Variants in ITGAM observed in about 807,000 individuals in gnomAD.
ITGAM encodes the protein integrin alpha-M.
A neutral mutation model predicts 137.5 loss-of-function variants in ITGAM; 79 were observed. That is an observed-to-expected ratio of 0.57 (90% CI 0.48 to 0.69). The LOEUF (loss-of-function observed/expected upper bound fraction) is 0.69, where lower values mean the gene tolerates loss of function less well. Ranked by LOEUF, ITGAM falls within the 30% of genes least tolerant of loss-of-function variation. ITGAM has a pLI of 0.00. For synonymous variants in ITGAM, 583 were observed against 592.3 expected (o/e 0.98, Z 0.23); for missense variants, 1,343 against 1,483.5 (o/e 0.91, Z 1.56).
At chr16:31,307,365 C>T (rs1466388480) in intron 14 of ITGAM, among the ~76,000 whole-genome samples, 1 of 152,118 alleles carries the variant, frequency 6.6e-6, no homozygotes. Flanking sequence ...TCCTTCACAT[C>T]CCTTGTAAGT....
chr16:31,330,651 C>T lies in ITGAM; in HGVS notation c.3276+46C>T, dbSNP rs911035362. 7.3e-6 allele frequency: 10 copies of T among 1,376,654 alleles called. No homozygotes were observed. The African/African-American group carries it at 1.3e-4, about 18-fold the overall frequency. The allele number at this position is 1,376,654 out of a possible 1,614,324, so 85.3% of individuals were successfully genotyped here. A position where few individuals can be genotyped will look rare whatever the true frequency, so the allele number is the denominator to read the frequency against. On this transcript the variant is annotated intron_variant, in intron 28 of 29. Transcript: ENST00000544665. ...GGAACTATTGGAGGGAGAGGGGCTG[C>T]GCTTGTGGAGATTTCTGGGGGAGGA...
chr16:31,312,147 AG>A (rs2080340038), intron 14 of ITGAM, among the ~76,000 whole-genome samples: 3 of 71,812 alleles, frequency 4.2e-5, no homozygotes, highest in Non-Finnish European at 7.7e-5. Context: ...GGGTGGGGGG[AG>A]GGGGGAGGGA....
chr16:31,304,097 C>T (rs183514788), intron 14 of ITGAM, among the ~76,000 whole-genome samples: 61 of 152,134 alleles, frequency 4.0e-4, no homozygotes, highest in African/African-American at 1.4e-3. Flanking sequence ...TAAAAGTGTC[C>T]CCTTTTCATC....
rs1308470070 is a variant in ITGAM, at chr16:31,268,687, G to A, written c.428-2267G>A. 2.6e-5 allele frequency among the ~76,000 whole-genome samples: 4 copies of A among 152,278 alleles called. No homozygotes were observed. The East Asian group carries it at 5.8e-4, about 22-fold the overall frequency. ...CTCCCCATTGCCTACAGATAAAGTC[G>A]AGCTCCTTATTGGAGTAGAAAGGCC... On this transcript the variant is annotated intron_variant, in intron 5 of 29. Coordinates refer to ENST00000544665, the MANE Select transcript of ITGAM (RefSeq NM_000632.4).
At chr16:31,329,601 C>T (rs1335667538) in intron 24 of ITGAM, among the ~76,000 whole-genome samples, 197 bp from the exon 25 acceptor site, 1 of 152,168 alleles carries the variant, frequency 6.6e-6, no homozygotes, top group Non-Finnish European at 1.5e-5. Flanking sequence ...AGGTCTCCCA[C>T]CGAGTAAGTG....
At chr16:31,289,644 A>G (rs2080065626) in intron 12 of ITGAM, among the ~76,000 whole-genome samples, 3 of 152,192 alleles carry the variant, frequency 2.0e-5, no homozygotes, top group Admixed American at 1.3e-4. Context: ...ATTAGGAGAT[A>G]TACCTAATGT....
chr16:31,304,032 ATCTCC>A (rs2080241735), intron 14 of ITGAM, among the ~76,000 whole-genome samples: 1 of 152,134 alleles, frequency 6.6e-6, no homozygotes, highest in Admixed American at 6.5e-5. Context: ...TATTTAAGGA[ATCTCC>A]ATACTGTTTT....
At chr16:31,278,176 G>C in intron 12 of ITGAM, 67 bp downstream of exon 12, 4 of 1,498,458 alleles carry the variant, frequency 2.7e-6, no homozygotes, top group Non-Finnish European at 3.6e-6. Context: ...GATTCCAGGA[G>C]GGGCATTCAG....
chr16:31,328,681 GGTGT>G lies in ITGAM; in HGVS notation c.2792+454_2792+457del, dbSNP rs541427935. ...AGGATATATGTGCATTGTGTGCATGGGTGTGTATTTGTGCATGTGTGTGTATGAG... is the reference window on the plus strand; with the variant it reads ...AGGATATATGTGCATTGTGTGCATGGGTATTTGTGCATGTGTGTGTATGAG... On this transcript the variant is annotated intron_variant, in intron 23 of 29. Coordinates refer to ENST00000544665, the MANE Select transcript of ITGAM (RefSeq NM_000632.4). Among the ~76,000 whole-genome samples, 8 of 151,396 alleles carry G rather than the reference GGTGT, an allele frequency of 5.3e-5. No individual in the cohort carries two copies. In the East Asian group the frequency reaches 6.0e-4, roughly 11 times the overall value.
rs1028295206 is a variant in ITGAM at position 31,326,885 on chromosome 16, C to G, written c.2658C>G (p.Asp886Glu). 6.2e-7 allele frequency: 1 copy of G among 1,612,884 alleles called. No individual in the cohort carries two copies. Among genetic ancestry groups the G allele is most frequent in the African/African-American group, 1.3e-5 (1 of 74,908 alleles). ...EVTFNITFDV[D>E]SKASLGNKLL... is the part of the protein sequence containing the mutation. Reference sequence around the variant, plus strand: ...CCTTTAATATCACGTTTGATGTAGACTCTAAGGCTTCCCTTGGAAACAAAC... The same window carrying G: ...CCTTTAATATCACGTTTGATGTAGAGTCTAAGGCTTCCCTTGGAAACAAAC... The change falls in exon 22 of 30, where the codon GAC (aspartate) becomes GAG (glutamate). Residue 886 changes from aspartate to glutamate, a missense_variant. By Grantham distance (45) the Asp-to-Glu change is conservative (BLOSUM62 2). Coordinates refer to ENST00000544665, the MANE Select transcript of ITGAM (RefSeq NM_000632.4).
chr16:31,330,726 A>G, intron 28 of ITGAM, 121 bp downstream of exon 28: 1 of 673,488 alleles, frequency 1.5e-6, no homozygotes, highest in Non-Finnish European at 2.5e-6. Flanking sequence ...CGACAGAGAG[A>G]CAGAGAGATA....
chr16:31,291,453 C>T (rs1246229765), intron 12 of ITGAM, among the ~76,000 whole-genome samples: 1 of 152,144 alleles, frequency 6.6e-6, no homozygotes. Context: ...TACATTCCTA[C>T]TAACAGTGCA....
At chr16:31,265,539 G>A (rs1256933887) in intron 3 of ITGAM, 41 bp downstream of exon 3, 2 of 1,351,792 alleles carry the variant, frequency 1.5e-6, no homozygotes. Context: ...GGATTCCCCT[G>A]TGAACACATA....
chr16:31,261,838 C>A, intron 2 of ITGAM, 41 bp downstream of exon 2: 1 of 1,301,920 alleles, frequency 7.7e-7, no homozygotes, highest in South Asian at 1.2e-5. Flanking sequence ...AGTGCTTTCT[C>A]TCCAAGACTT....
intron 14 of ITGAM, among the ~76,000 whole-genome samples, chr16:31,308,005 A>C (rs894129698): frequency 1.3e-5 from 2 of 152,002 alleles, no homozygotes; most frequent in African/African-American, 2.4e-5. Flanking sequence ...AGCCCACTTG[A>C]TCATGGTGGA....
At chr16:31,277,221 A>G (rs2079917258) in intron 11 of ITGAM, among the ~76,000 whole-genome samples, 172 bp downstream of exon 11, 2 of 150,928 alleles carry the variant, frequency 1.3e-5, no homozygotes, top group Non-Finnish European at 3.0e-5. Flanking sequence ...TTTGAGGTGG[A>G]GTTTCTTTCT....
intron 7 of ITGAM, among the ~76,000 whole-genome samples, chr16:31,273,105 T>C (rs1300564621): frequency 6.6e-6 from 1 of 152,000 alleles, no homozygotes; most frequent in African/African-American, 2.4e-5. Flanking sequence ...TTGAGACCAA[T>C]TGACAACATA....
Position 31,274,942 on chromosome 16 carries a change from G to A in ITGAM, c.859-607G>A, listed in dbSNP as rs540873687. ...CCTATTTAAAAAATTTGTTTAAAACGACCTTATCCTTGTTGGCAAAGTGCC... is the reference window on the plus strand; with the variant it reads ...CCTATTTAAAAAATTTGTTTAAAACAACCTTATCCTTGTTGGCAAAGTGCC... On this transcript the variant is annotated intron_variant, in intron 8 of 29. Coordinates refer to ENST00000544665, the MANE Select transcript of ITGAM (RefSeq NM_000632.4). Among the ~76,000 whole-genome samples the A allele has an allele frequency of 1.2e-3, 178 of 152,278 alleles. 1 individual carries two copies. The highest frequency in any genetic ancestry group is 4.8e-3 in the South Asian group (23 of 4,824).
chr16:31,286,479 C>T (rs1389686370), intron 12 of ITGAM, among the ~76,000 whole-genome samples: 1 of 152,078 alleles, frequency 6.6e-6, no homozygotes, highest in African/African-American at 2.4e-5. Context: ...AATGTATAAG[C>T]GTTCCTTTTT....
Sources: gnomAD v4.1 joint callset for allele counts (sites outside exome capture counted in the v4.1 genomes callset) on GRCh38, gnomAD v4.1.1 for gene constraint, MANE v1.5 for transcripts, NCBI Gene and HGNC (gene_info 2026-07-23, HGNC 2026-07-21) for gene names.